KMT2C: variants seen among roughly 807,000 people sequenced by gnomAD.
The protein encoded by KMT2C is lysine methyltransferase 2C.
Under a neutral mutation model 507.9 loss-of-function variants are expected in KMT2C, and 88 were observed. The ratio of observed to expected loss-of-function variants is 0.17; its 90% CI spans 0.15 to 0.21. The LOEUF is 0.21. Ranked by LOEUF, KMT2C falls within the 10% of genes least tolerant of loss-of-function variation. KMT2C has a pLI of 1.00. For synonymous variants in KMT2C, 2,049 were observed against 2,080.8 expected, an observed-to-expected ratio of 0.98 and a Z score of 0.42; for missense variants, 4,954 against 5,957.8, an observed-to-expected ratio of 0.83 and a Z score of 5.55.
At chr7:152,327,240 T>C (rs2096837499) in intron 3 of KMT2C, among the ~76,000 whole-genome samples, 2 of 152,244 alleles carry the variant, frequency 1.3e-5, no homozygotes, top group South Asian at 2.1e-4. Flanking sequence ...TAGGCCATGA[T>C]TATTATAAAT....
intron 28 of KMT2C, among the ~76,000 whole-genome samples, chr7:152,194,821 T>C (rs1184804682): frequency 6.7e-6 from 1 of 149,656 alleles, no homozygotes; most frequent in Admixed American, 6.6e-5. Context: ...AAAGAATACA[T>C]CTGATTTTAA....
At chr7:152,266,874 A>AGC (rs2095867002) in intron 7 of KMT2C, among the ~76,000 whole-genome samples, 2 of 152,312 alleles carry the variant, frequency 1.3e-5, no homozygotes, top group Non-Finnish European at 2.9e-5. Context: ...AGGCTGGCTT[A>AGC]GCACCTAATA....
Position 152,162,222 on chromosome 7 carries a change from CTTT to C in KMT2C, c.11352_11354del (p.Lys3785del). On this transcript the variant is annotated inframe_deletion, in exon 43 of 59. Coordinates refer to ENST00000262189, the MANE Select transcript of KMT2C (RefSeq NM_170606.3). ...GTTTTTGATTCAAAAGAGAAGATGA[CTTT>C]TTATTTTTCAACAAGTGTTTCAGAA... 6.2e-7 allele frequency: 1 copy of C among 1,614,036 alleles called. No individual in the cohort carries two copies. The highest frequency in any genetic ancestry group is 8.5e-7 in the Non-Finnish European group (1 of 1,179,992).
rs755312898 is a variant in KMT2C at position 152,179,890 on chromosome 7, C to A, written c.7386G>T (p.Gln2462His). 3 of 1,614,126 alleles carry A rather than the reference C, an allele frequency of 1.9e-6. No individual in the cohort carries two copies. The East Asian group carries it at 6.7e-5, about 36-fold the overall frequency. Residue 2462 changes from glutamine (Q) to histidine (H), a missense_variant, in exon 37 of 59, where the codon CAG becomes CAT. Transcript: ENST00000262189. Reference sequence around the variant, plus strand: ...CAACATCAGGAGGATAGGGTCCACGCTGATCTTTTGGGAAAACAGCATATC... The same window carrying A: ...CAACATCAGGAGGATAGGGTCCACGATGATCTTTTGGGAAAACAGCATATC... ...GPRYAVFPKDQRGPYPPDVAS... is the reference protein window; with the variant it reads ...GPRYAVFPKDHRGPYPPDVAS...
chr7:152,382,467 C>T (rs1258892881), intron 1 of KMT2C, among the ~76,000 whole-genome samples: 2 of 152,238 alleles, frequency 1.3e-5, no homozygotes, highest in Non-Finnish European at 2.9e-5. Context: ...TCCCCCACCC[C>T]ACCCAATGCC....
chr7:152,273,095 T>TGTATA (rs1402991667), intron 7 of KMT2C, among the ~76,000 whole-genome samples: 4 of 152,184 alleles, frequency 2.6e-5, no homozygotes, highest in African/African-American at 9.6e-5. Context: ...AGAGTTATAA[T>TGTATA]TTCCTGTATA....
intron 1 of KMT2C, among the ~76,000 whole-genome samples, chr7:152,393,095 T>C (rs1463947622): frequency 6.6e-6 from 1 of 152,134 alleles, no homozygotes; most frequent in Non-Finnish European, 1.5e-5. Flanking sequence ...AGATCCTACC[T>C]CAAAAGTGGT....
intron 55 of KMT2C, among the ~76,000 whole-genome samples, chr7:152,140,368 A>G (rs540319040): frequency 1.7e-4 from 26 of 152,204 alleles, no homozygotes; most frequent in Non-Finnish European, 3.2e-4. Context: ...CACTAATACA[A>G]AATTCTGAGG....
At chr7:152,208,808 A>C (rs929322934) in intron 23 of KMT2C, among the ~76,000 whole-genome samples, 1 of 152,172 alleles carries the variant, frequency 6.6e-6, no homozygotes, top group Non-Finnish European at 1.5e-5. Context: ...TATTTGGTCT[A>C]TATTTGAGGC....
chr7:152,375,293 C>T (rs1054825579), intron 1 of KMT2C, among the ~76,000 whole-genome samples: 1 of 151,608 alleles, frequency 6.6e-6, no homozygotes, highest in African/African-American at 2.4e-5. Flanking sequence ...CTGCCCACCT[C>T]GGCCTCCCAA....
intron 3 of KMT2C, among the ~76,000 whole-genome samples, chr7:152,316,393 C>A (rs1479900683): frequency 2.6e-5 from 4 of 151,968 alleles, no homozygotes; most frequent in African/African-American, 4.8e-5. Context: ...CCTAAAAATG[C>A]TCTAAGTCTA....
chr7:152,428,337 G>A (rs1443552365), intron 1 of KMT2C, among the ~76,000 whole-genome samples: 2 of 151,866 alleles, frequency 1.3e-5, no homozygotes, highest in Non-Finnish European at 2.9e-5. Flanking sequence ...AAAGGGCTGG[G>A]TGCGGTGGCT....
At chr7:152,425,419 T>C (rs1036319900) in intron 1 of KMT2C, among the ~76,000 whole-genome samples, 1 of 151,932 alleles carries the variant, frequency 6.6e-6, no homozygotes, top group Non-Finnish European at 1.5e-5. Flanking sequence ...CCATTAAAAA[T>C]AGAAAAATTA....
At chr7:152,282,874 G>C (rs1291661143) in intron 6 of KMT2C, among the ~76,000 whole-genome samples, 1 of 151,808 alleles carries the variant, frequency 6.6e-6, no homozygotes, top group Non-Finnish European at 1.5e-5. Context: ...GAAAAATTAA[G>C]TTTTTTCTAG....
At chr7:152,358,498 C>G in intron 2 of KMT2C, 89 bp downstream of exon 2, 1 of 836,244 alleles carries the variant, frequency 1.2e-6, no homozygotes, top group Non-Finnish European at 1.9e-6. Context: ...ATGCTTAACA[C>G]AGAATATTGT....
intron 46 of KMT2C, chr7:152,154,951 G>T (rs1192930846): frequency 1.3e-5 from 2 of 152,438 alleles, no homozygotes; most frequent in East Asian, 3.8e-4. Flanking sequence ...CTTTACACTG[G>T]CAAGATGGGA....
intron 40 of KMT2C, among the ~76,000 whole-genome samples, chr7:152,170,630 G>GT (rs766363480): frequency 3.5e-4 from 54 of 152,160 alleles, no homozygotes; most frequent in Non-Finnish European, 7.1e-4. Flanking sequence ...AGTCTCCCAA[G>GT]TAGCTGGGAC....
chr7:152,190,363 T>C (rs2093755335), intron 31 of KMT2C, among the ~76,000 whole-genome samples: 1 of 152,202 alleles, frequency 6.6e-6, no homozygotes, highest in Admixed American at 6.5e-5. Flanking sequence ...TCTACAATAT[T>C]AACATATTGA....
chr7:152,330,581 A>G lies in KMT2C; in HGVS notation c.389+20T>C. The G allele has an allele frequency of 6.2e-7, 1 of 1,611,552 alleles. No homozygotes were observed. The highest frequency in any genetic ancestry group is 1.1e-5 in the South Asian group (1 of 91,026). ...TATTCCTGTCACTAATATCCAATCC[A>G]GCTGCATTCATTCTCTAACCTGATT... On this transcript the variant is annotated intron_variant, in intron 3 of 58. Coordinates refer to ENST00000262189, the MANE Select transcript of KMT2C (RefSeq NM_170606.3).
Sources: gnomAD v4.1 joint callset for allele counts (sites outside exome capture counted in the v4.1 genomes callset) on GRCh38, gnomAD v4.1.1 for gene constraint, MANE v1.5 for transcripts, NCBI Gene and HGNC (gene_info 2026-07-23, HGNC 2026-07-21) for gene names.